HMBOX1: variants seen among roughly 807,000 people sequenced by gnomAD.
The protein encoded by HMBOX1 is homeobox containing 1.
Under a neutral mutation model 54.5 loss-of-function variants are expected in HMBOX1, and 14 were observed. The ratio of observed to expected loss-of-function variants is 0.26; its 90% CI spans 0.17 to 0.40. HMBOX1 has a LOEUF of 0.40. HMBOX1 is among the 10% of genes least tolerant of loss of function. The pLI is 1.00. For synonymous variants in HMBOX1, 160 were observed against 181.0 expected (o/e 0.88, Z 0.93); for missense variants, 332 against 514.4 (o/e 0.65, Z 3.43).
intron 2 of HMBOX1, among the ~76,000 whole-genome samples, chr8:28,964,912 C>T (rs1213510771): frequency 6.6e-6 from 1 of 152,198 alleles, no homozygotes; most frequent in Non-Finnish European, 1.5e-5. Context: ...TTCAATCTAT[C>T]AGCCTTCTCT....
chr8:29,042,422 A>G (rs1804969439), intron 6 of HMBOX1, among the ~76,000 whole-genome samples: 1 of 152,192 alleles, frequency 6.6e-6, no homozygotes, highest in Admixed American at 6.5e-5. Flanking sequence ...TAAGAGAGAA[A>G]GCAAGGTCAT....
intron 1 of HMBOX1, among the ~76,000 whole-genome samples, chr8:28,954,610 G>A (rs1388032760): frequency 2.0e-5 from 3 of 152,174 alleles, no homozygotes; most frequent in South Asian, 4.1e-4. Context: ...GATTCACAAT[G>A]CAGCATTTTT....
intron 4 of HMBOX1, among the ~76,000 whole-genome samples, chr8:28,993,023 G>T (rs927663615): frequency 6.9e-6 from 1 of 144,016 alleles, no homozygotes; most frequent in Admixed American, 7.1e-5. Context: ...TATGTCTATT[G>T]TCCTTTTATG....
intron 6 of HMBOX1, among the ~76,000 whole-genome samples, chr8:29,027,022 G>A (rs1047502965): frequency 5.3e-5 from 8 of 152,104 alleles, no homozygotes; most frequent in African/African-American, 1.9e-4. Flanking sequence ...AAAGGATTTT[G>A]TTGTTTTTAA....
At chr8:28,993,728 G>T (rs554718971) in intron 4 of HMBOX1, among the ~76,000 whole-genome samples, 1 of 152,284 alleles carries the variant, frequency 6.6e-6, no homozygotes, top group Admixed American at 6.5e-5. Context: ...GTACCGGCCA[G>T]ATTCAATTCA....
At chr8:28,969,838 A>G (rs973868559) in intron 2 of HMBOX1, among the ~76,000 whole-genome samples, 1 of 152,172 alleles carries the variant, frequency 6.6e-6, no homozygotes, top group Non-Finnish European at 1.5e-5. Context: ...ATTAGGTTTT[A>G]TGTTACACCT....
intron 5 of HMBOX1, among the ~76,000 whole-genome samples, chr8:29,011,823 T>A (rs1224517007): frequency 6.6e-6 from 1 of 152,212 alleles, no homozygotes; most frequent in Admixed American, 6.5e-5. Context: ...AACTAGGGAA[T>A]TGAAACCAGC....
chr8:28,952,834 T>C (rs1350800205), intron 1 of HMBOX1, among the ~76,000 whole-genome samples: 1 of 152,214 alleles, frequency 6.6e-6, no homozygotes, highest in African/African-American at 2.4e-5. Flanking sequence ...ATATGTGATA[T>C]ATGTAACTTT....
chr8:29,014,366 G>A (rs1834682946), intron 5 of HMBOX1, among the ~76,000 whole-genome samples: 1 of 152,086 alleles, frequency 6.6e-6, no homozygotes, highest in African/African-American at 2.4e-5. Context: ...GGAGTTTAAA[G>A]GCTTAAATAC....
At chr8:28,976,709 CTTTT>C (rs749880362) in intron 3 of HMBOX1, among the ~76,000 whole-genome samples, 1 of 135,804 alleles carries the variant, frequency 7.4e-6, no homozygotes, top group Non-Finnish European at 1.6e-5. Flanking sequence ...TCTTTTTTTT[CTTTT>C]TTTTTTTTTT....
At chr8:28,967,606 C>T (rs2132318363) in intron 2 of HMBOX1, among the ~76,000 whole-genome samples, 1 of 152,180 alleles carries the variant, frequency 6.6e-6, no homozygotes, top group East Asian at 1.9e-4. Flanking sequence ...TATAATAAAA[C>T]AGTTATTGAA....
At chr8:29,042,498 T>C (rs1804987087) in intron 6 of HMBOX1, 1 of 372,096 alleles carries the variant, frequency 2.7e-6, no homozygotes, top group Non-Finnish European at 5.3e-6. Context: ...TTCAGGTAAG[T>C]GGGGCAGGAG....
intron 4 of HMBOX1, among the ~76,000 whole-genome samples, chr8:28,996,579 G>A (rs71521318): frequency 0.012 from 1,837 of 151,294 alleles, 24 homozygotes; most frequent in Non-Finnish European, 0.021. Flanking sequence ...TCACATTGTT[G>A]ATAGTGTTCT....
At chr8:28,903,306 G>C (rs1813608508) in intron 1 of HMBOX1, among the ~76,000 whole-genome samples, 3 of 152,222 alleles carry the variant, frequency 2.0e-5, no homozygotes, top group African/African-American at 7.2e-5. Flanking sequence ...GCCTTTGAAA[G>C]GGAATAATCC....
intron 6 of HMBOX1, among the ~76,000 whole-genome samples, chr8:29,034,903 C>T (rs959850694): frequency 9.9e-5 from 15 of 152,054 alleles, no homozygotes; most frequent in Non-Finnish European, 1.5e-4. Flanking sequence ...ACTCATTTAT[C>T]TATATCCTGG....
rs1362229617 is a variant in HMBOX1, at chr8:28,902,762, G to A, written c.-58+12084G>A. 5.5e-5 allele frequency among the ~76,000 whole-genome samples: 5 copies of A among 90,262 alleles called. No individual in the cohort carries two copies. In the South Asian group the frequency reaches 1.6e-3, roughly 29 times the overall value. The allele number at this position is 90,262 out of a possible 152,430, so 59.2% of individuals were successfully genotyped here. Reference sequence around the variant, plus strand: ...CCAGAGCATTCTACTCACGAAGGCAGTCATGCAGGCCTGCCTGTGTTGGAG... The same window carrying A: ...CCAGAGCATTCTACTCACGAAGGCAATCATGCAGGCCTGCCTGTGTTGGAG... On this transcript the variant is annotated intron_variant, in intron 1 of 9. Transcript: ENST00000287701.
At chr8:28,925,284 C>A (rs968181446) in intron 1 of HMBOX1, among the ~76,000 whole-genome samples, 9 of 152,140 alleles carry the variant, frequency 5.9e-5, no homozygotes, top group Non-Finnish European at 2.9e-5. Context: ...AAGAACTTAG[C>A]TCCTGAATAA....
At chr8:28,894,294 T>G (rs1192759862) in intron 1 of HMBOX1, among the ~76,000 whole-genome samples, 2 of 152,198 alleles carry the variant, frequency 1.3e-5, no homozygotes, top group Admixed American at 1.3e-4. Flanking sequence ...AATACTTTTA[T>G]GTTTATTTAT....
At chr8:29,009,456 A>G (rs1329115413) in intron 5 of HMBOX1, 1 of 980,562 alleles carries the variant, frequency 1.0e-6, no homozygotes, top group Non-Finnish European at 1.2e-6. Context: ...GTTTGAAAGA[A>G]CGCTATGAAT....
Sources: allele counts gnomAD v4.1 joint callset (sites outside exome capture counted in the v4.1 genomes callset), GRCh38; gene constraint gnomAD v4.1.1; transcripts MANE v1.5; gene names NCBI Gene and HGNC (gene_info 2026-07-23, HGNC 2026-07-21).